INPP4B: variants seen among roughly 807,000 people sequenced by gnomAD.
INPP4B encodes the protein inositol polyphosphate-4-phosphatase type II B.
A neutral mutation model predicts 122.5 loss-of-function variants in INPP4B; 55 were observed. That is an observed-to-expected ratio of 0.45 (90% CI 0.36 to 0.56). The LOEUF is 0.56. Ranked by LOEUF, INPP4B falls within the 20% of genes least tolerant of loss-of-function variation. The pLI, the probability that INPP4B is intolerant of heterozygous loss-of-function variation, is 0.00. For missense variants in INPP4B, 1,000 were observed against 1,097.7 expected, an observed-to-expected ratio of 0.91 and a Z score of 1.26; for synonymous variants, 403 against 388.7, an observed-to-expected ratio of 1.04 and a Z score of -0.43.
In INPP4B at chr4:142,193,106, A is replaced by C; in HGVS notation, c.1162T>G (p.Phe388Val). 1 of 1,608,568 alleles carries C rather than the reference A, an allele frequency of 6.2e-7. No homozygotes were observed. ...ACTTACTTTCTTCTTTCTGTTTCAA[A>C]TCTATGGAGTAGCTTCCGAAGACCA... ...NGGLRKLLHR[F>V]ETERRNTGYQ... Residue 388 changes from phenylalanine (F) to valine (V), a missense_variant, in exon 15 of 26, where the codon TTT (phenylalanine) becomes GTT (valine). Phe to Val is a conservative substitution (Grantham distance 50). Transcript: ENST00000262992.
At chr4:142,720,455 A>C (rs1403963606) in intron 2 of INPP4B, among the ~76,000 whole-genome samples, 1 of 151,994 alleles carries the variant, frequency 6.6e-6, no homozygotes, top group Non-Finnish European at 1.5e-5. Flanking sequence ...CCAATGTACC[A>C]GAATATGCGG....
chr4:142,393,034 T>C (rs943408913), intron 7 of INPP4B, among the ~76,000 whole-genome samples: 7 of 152,172 alleles, frequency 4.6e-5, no homozygotes, highest in Non-Finnish European at 8.8e-5. Context: ...TTTTAAATGT[T>C]TATATGTACC....
At position 142,773,056 on chromosome 4, in the gene INPP4B, A is replaced by C. The variant is rs529871203; in HGVS notation, c.-253-47155T>G. 6.6e-5 allele frequency among the ~76,000 whole-genome samples: 10 copies of C among 152,262 alleles called. No homozygotes were observed. In the South Asian group the frequency reaches 2.1e-3, roughly 32 times the overall value. Reference sequence around the variant, plus strand: ...GAAACTTTGTCTAAAAAAAAGTTTAAAAATTAAAAAAATAAATAAAGACAC... The same window carrying C: ...GAAACTTTGTCTAAAAAAAAGTTTACAAATTAAAAAAATAAATAAAGACAC... On this transcript the variant is annotated intron_variant, in intron 1 of 25. Transcript: ENST00000262992.
At chr4:142,259,701 CA>C (rs1361079404) in intron 11 of INPP4B, among the ~76,000 whole-genome samples, 1 of 151,886 alleles carries the variant, frequency 6.6e-6, no homozygotes, top group African/African-American at 2.4e-5. Context: ...GCTGAAAACA[CA>C]AATACATTGT....
intron 2 of INPP4B, among the ~76,000 whole-genome samples, chr4:142,555,870 C>CA (rs554216004): frequency 0.14 from 18,197 of 125,516 alleles, 2,094 homozygotes; most frequent in African/African-American, 0.32. Context: ...GACTCTGTCT[C>CA]AAAAAAAAAA....
intron 25 of INPP4B, among the ~76,000 whole-genome samples, chr4:142,074,083 G>A (rs1016644917): frequency 6.6e-6 from 1 of 151,932 alleles, no homozygotes; most frequent in African/African-American, 2.4e-5. Context: ...GGATGCTCCT[G>A]TCTTATTCCA....
intron 3 of INPP4B, among the ~76,000 whole-genome samples, chr4:142,447,874 T>C (rs1813250193): frequency 6.6e-6 from 1 of 152,130 alleles, no homozygotes; most frequent in Non-Finnish European, 1.5e-5. Flanking sequence ...AGGTAGCCCT[T>C]ATGAGAATAA....
At chr4:142,460,663 G>A (rs569208279) in intron 3 of INPP4B, among the ~76,000 whole-genome samples, 1 of 152,202 alleles carries the variant, frequency 6.6e-6, no homozygotes, top group East Asian at 1.9e-4. Flanking sequence ...TATGAAACAA[G>A]CCGTTTTGTC....
chr4:142,494,318 CAT>C lies in INPP4B; in HGVS notation c.-190-31594_-190-31593del, dbSNP rs1377902029. Reference sequence around the variant, plus strand: ...ATTGTTATTAATGTGCTGTTCTTGCCATATGTTATAAACACTATAGATAATAT... The same window carrying C: ...ATTGTTATTAATGTGCTGTTCTTGCCATGTTATAAACACTATAGATAATAT... On this transcript the variant is annotated intron_variant, in intron 2 of 25. Coordinates refer to ENST00000262992, the MANE Select transcript of INPP4B (RefSeq NM_001101669.3). Among the ~76,000 whole-genome samples the C allele has an allele frequency of 3.3e-5, 5 of 152,046 alleles. No individual in the cohort carries two copies. In the South Asian group the frequency reaches 6.2e-4, roughly 19 times the overall value.
intron 12 of INPP4B, among the ~76,000 whole-genome samples, chr4:142,210,183 A>C (rs1844314150): frequency 3.9e-5 from 6 of 152,212 alleles, no homozygotes; most frequent in Admixed American, 3.9e-4. Flanking sequence ...CTAAATACCA[A>C]GCTAATAAAT....
chr4:142,403,333 G>C (rs1802278770), intron 6 of INPP4B, among the ~76,000 whole-genome samples: 1 of 152,094 alleles, frequency 6.6e-6, no homozygotes, highest in Non-Finnish European at 1.5e-5. Context: ...CCCTTCTTTA[G>C]GGTTAGTTAA....
At chr4:142,335,618 C>T (rs1435947964) in intron 7 of INPP4B, among the ~76,000 whole-genome samples, 1 of 152,160 alleles carries the variant, frequency 6.6e-6, no homozygotes, top group Admixed American at 6.5e-5. Flanking sequence ...AAAATGCAAT[C>T]TGAAATTTAA....
At chr4:142,362,376 A>C (rs924184072) in intron 7 of INPP4B, among the ~76,000 whole-genome samples, 29 of 152,046 alleles carry the variant, frequency 1.9e-4, no homozygotes, top group African/African-American at 6.8e-4. Flanking sequence ...GATTTAACAA[A>C]ACACACTGTG....
intron 7 of INPP4B, among the ~76,000 whole-genome samples, chr4:142,340,697 G>C (rs1405050076): frequency 2.0e-5 from 3 of 152,160 alleles, no homozygotes; most frequent in African/African-American, 7.2e-5. Flanking sequence ...ACAGGCATGA[G>C]CCACCATAAC....
intron 2 of INPP4B, among the ~76,000 whole-genome samples, chr4:142,478,313 G>T (rs1374206344): frequency 2.0e-5 from 3 of 152,030 alleles, no homozygotes; most frequent in Non-Finnish European, 4.4e-5. Context: ...ATATTATATT[G>T]AATGAGTGAT....
intron 2 of INPP4B, among the ~76,000 whole-genome samples, chr4:142,658,735 T>C (rs1436907293): frequency 6.6e-6 from 1 of 152,110 alleles, no homozygotes; most frequent in East Asian, 1.9e-4. Flanking sequence ...GATCTTGACT[T>C]GCAGAGCCAA....
chr4:142,318,930 A>C (rs1768930875), intron 7 of INPP4B, among the ~76,000 whole-genome samples: 2 of 152,188 alleles, frequency 1.3e-5, no homozygotes, highest in Admixed American at 1.3e-4. Context: ...TTTAATGCTC[A>C]TATTTATGCA....
At chr4:142,409,541 C>T (rs1047174836) in intron 5 of INPP4B, among the ~76,000 whole-genome samples, 4 of 147,352 alleles carry the variant, frequency 2.7e-5, no homozygotes, top group Non-Finnish European at 6.0e-5. Flanking sequence ...TCAATATCTC[C>T]GGTGACTGAG....
At chr4:142,564,211 G>T (rs2150131995) in intron 2 of INPP4B, among the ~76,000 whole-genome samples, 1 of 152,206 alleles carries the variant, frequency 6.6e-6, no homozygotes, top group South Asian at 2.1e-4. Context: ...AGAACTCCCT[G>T]GTGTGTAATG....
Sources: gnomAD v4.1 joint callset for allele counts (sites outside exome capture counted in the v4.1 genomes callset) on GRCh38, gnomAD v4.1.1 for gene constraint, MANE v1.5 for transcripts, NCBI Gene and HGNC (gene_info 2026-07-23, HGNC 2026-07-21) for gene names.